The following DERA variants were observed in gnomAD, a reference collection of about 807,000 sequenced individuals.
DERA encodes 2-deoxy-D-ribose 5-phosphate aldolase.
DERA carries 15 observed loss-of-function variants against 41.1 expected under a neutral mutation model. The ratio of observed to expected loss-of-function variants is 0.37; its 90% confidence interval spans 0.24 to 0.56. DERA has a LOEUF of 0.56. DERA is among the 20% of genes least tolerant of loss of function. The probability of loss-of-function intolerance (pLI) is 0.81; values close to 1 mark genes in which losing one functional copy is unlikely to be tolerated. For missense variants in DERA, 396 were observed against 403.4 expected, an observed-to-expected ratio of 0.98 and a Z score of 0.16; for synonymous variants, 139 against 137.4, an observed-to-expected ratio of 1.01 and a Z score of -0.08.
chr12:16,018,447 A>T (rs1948998506), intron 6 of DERA, among the ~76,000 whole-genome samples: 1 of 152,174 alleles, frequency 6.6e-6, no homozygotes, highest in Admixed American at 6.5e-5. Flanking sequence ...AATGAACTGG[A>T]AAATGTTCAT....
In DERA at chr12:15,966,075, C is replaced by T. The variant is rs1948620584; in HGVS notation, c.508+3128C>T. Among the ~76,000 whole-genome samples the T allele has an allele frequency of 6.6e-6, 1 of 152,152 alleles. No homozygotes were observed. The highest frequency in any genetic ancestry group is 6.5e-5 in the Admixed American group (1 of 15,286). ...GCAACGTCCTCCTTTCTTCTCTTCC[C>T]TTCATGACTAAAATTCTGAAAAGAA... On this transcript the variant is annotated intron_variant, in intron 5 of 8. Transcript: ENST00000428559. The surrounding 1 kb of genome is among the most constrained non-coding windows in gnomAD (Gnocchi z 5.1).
rs1260307915 is a variant in DERA, at chr12:15,931,709, G to A, written c.31+20295G>A. 1.1e-4 allele frequency among the ~76,000 whole-genome samples: 16 copies of A among 152,188 alleles called. No homozygotes were observed. Among genetic ancestry groups the A allele is most frequent in the Admixed American group, 2.0e-4 (3 of 15,276 alleles). Reference sequence around the variant, plus strand: ...AGTGTTGGGAGATGGGGCCTAGTGAGAGGTCTTTGGGTCATGTAGGTGGAT... The same window carrying A: ...AGTGTTGGGAGATGGGGCCTAGTGAAAGGTCTTTGGGTCATGTAGGTGGAT... On this transcript the variant is annotated intron_variant, in intron 1 of 8. Coordinates refer to ENST00000428559, the MANE Select transcript of DERA (RefSeq NM_015954.4). The surrounding 1 kb of genome is among the most constrained non-coding windows in gnomAD (Gnocchi z 4.6).
rs1948952638 is a variant in DERA at position 16,012,446 on chromosome 12, C to T, written c.638-20096C>T. ...TCATTGGGATTAGACATAAGGCATT[C>T]CAGGGCTGTGCTCCCCTGTCCCTTA... is the stretch of plus-strand genomic sequence containing the variant. On this transcript the variant is annotated intron_variant, in intron 6 of 8. Transcript: ENST00000428559. This position sits in a 1 kb window ranked among gnomAD's most constrained non-coding sequence, Gnocchi z 4.1. Among the ~76,000 whole-genome samples, 1 of 152,166 alleles carries T rather than the reference C, an allele frequency of 6.6e-6. No homozygotes were observed. Among genetic ancestry groups the T allele is most frequent in the Non-Finnish European group, 1.5e-5 (1 of 68,026 alleles).
chr12:16,030,021 C>T lies in DERA; in HGVS notation c.638-2521C>T, dbSNP rs184502155. On this transcript the variant is annotated intron_variant, in intron 6 of 8. Coordinates refer to ENST00000428559, the MANE Select transcript of DERA (RefSeq NM_015954.4). ...CACTGCAACCTCCACCTCCCAGGTT[C>T]AAGCAGTTCTCTTGCCTCAGCCTCC... 3.6e-5 allele frequency among the ~76,000 whole-genome samples: 5 copies of T among 139,900 alleles called. No individual in the cohort carries two copies. The East Asian group carries it at 1.2e-3, about 32-fold the overall frequency. The allele number at this position is 139,900 out of a possible 152,430, so 91.8% of individuals were successfully genotyped here. A position where few individuals can be genotyped will look rare whatever the true frequency, so the allele number is the denominator to read the frequency against.
At chr12:15,949,222 A>T (rs1258386202) in intron 1 of DERA, among the ~76,000 whole-genome samples, 1 of 152,062 alleles carries the variant, frequency 6.6e-6, no homozygotes, top group African/African-American at 2.4e-5. Context: ...ACTCTCTTCA[A>T]AGCTGTCAGA....
Position 16,014,226 on chromosome 12 carries a change from C to G in DERA, c.638-18316C>G, listed in dbSNP as rs941892880. 2.0e-5 allele frequency among the ~76,000 whole-genome samples: 3 copies of G among 152,122 alleles called. No homozygotes were observed. Among genetic ancestry groups the G allele is most frequent in the Admixed American group, 6.5e-5 (1 of 15,278 alleles). On this transcript the variant is annotated intron_variant, in intron 6 of 8. Transcript: ENST00000428559. This position sits in a 1 kb window ranked among gnomAD's most constrained non-coding sequence, Gnocchi z 5.4. ...AGAAATTTGCATAAGTAACGAGGAG[C>G]CAAATGTTAATCACCAAGACAGTGG...
At chr12:16,023,724 G>A (rs1213412145) in intron 6 of DERA, among the ~76,000 whole-genome samples, 10 of 152,060 alleles carry the variant, frequency 6.6e-5, no homozygotes, top group South Asian at 2.1e-4. Context: ...TGATCCGCCC[G>A]CCTCGGCCTC....
At chr12:15,920,537 T>A (rs1178910981) in intron 1 of DERA, among the ~76,000 whole-genome samples, 1 of 152,176 alleles carries the variant, frequency 6.6e-6, no homozygotes, top group Non-Finnish European at 1.5e-5. Context: ...ATAGCTTTAA[T>A]TATTTGTATT....
chr12:15,956,783 T>G, intron 1 of DERA, 153 bp from the exon 2 acceptor site: 1 of 730,014 alleles, frequency 1.4e-6, no homozygotes, highest in Non-Finnish European at 2.5e-6. Flanking sequence ...ATCAATAAGG[T>G]TGTTTATTTA....
At chr12:15,971,018 C>T (rs931328049) in intron 5 of DERA, among the ~76,000 whole-genome samples, 4 of 152,160 alleles carry the variant, frequency 2.6e-5, no homozygotes, top group Non-Finnish European at 5.9e-5. Context: ...GTGTCCACAC[C>T]ATGGGACATG....
chr12:15,923,004 G>T (rs1371471803), intron 1 of DERA, among the ~76,000 whole-genome samples: 1 of 146,250 alleles, frequency 6.8e-6, no homozygotes, highest in African/African-American at 2.5e-5. Flanking sequence ...AAAAATAGTG[G>T]TTTTTGTTTT....
At chr12:15,968,104 A>G (rs1017445650) in intron 5 of DERA, among the ~76,000 whole-genome samples, 1 of 148,942 alleles carries the variant, frequency 6.7e-6, no homozygotes, top group Non-Finnish European at 1.5e-5. Flanking sequence ...TTTTTTTGAC[A>G]TAATTCCAGT....
intron 1 of DERA, among the ~76,000 whole-genome samples, chr12:15,914,901 G>A (rs1006035958): frequency 2.0e-5 from 3 of 152,046 alleles, no homozygotes; most frequent in Non-Finnish European, 4.4e-5. Flanking sequence ...TCAGCCTCCC[G>A]AGTAGCTGAG....
chr12:16,017,678 G>A lies in DERA; in HGVS notation c.638-14864G>A, dbSNP rs1293303293. Among the ~76,000 whole-genome samples the A allele has an allele frequency of 6.6e-6, 1 of 152,128 alleles. No homozygotes were observed. The highest frequency in any genetic ancestry group is 2.4e-5 in the African/African-American group (1 of 41,432). On this transcript the variant is annotated intron_variant, in intron 6 of 8. Transcript: ENST00000428559. The surrounding 1 kb of genome is among the most constrained non-coding windows in gnomAD (Gnocchi z 5.5). ...ACAATATTGAAGACTTTTAATTTGA[G>A]GGCTTATATCTTTGCATACCCTGCT...
intron 6 of DERA, among the ~76,000 whole-genome samples, chr12:16,005,308 C>T (rs1432623157): frequency 2.6e-5 from 4 of 151,970 alleles, no homozygotes; most frequent in East Asian, 1.9e-4. Flanking sequence ...TAGCAGGGCA[C>T]GGTAAGGCGC....
At chr12:15,969,945 G>A (rs1948649125) in intron 5 of DERA, among the ~76,000 whole-genome samples, 1 of 152,186 alleles carries the variant, frequency 6.6e-6, no homozygotes, top group Non-Finnish European at 1.5e-5. Context: ...TACGACAACT[G>A]TATGCTTTTA....
Position 15,972,426 on chromosome 12 carries a change from G to T in DERA, c.508+9479G>T, listed in dbSNP as rs759785507. On this transcript the variant is annotated intron_variant, in intron 5 of 8. Coordinates refer to ENST00000428559, the MANE Select transcript of DERA (RefSeq NM_015954.4). This position sits in a 1 kb window ranked among gnomAD's most constrained non-coding sequence, Gnocchi z 4.4. ...AGAGACACTGCACACATCCCAGCCAGCTGGCTGTCCCGCAGGGCCCCCTTG... is the reference window on the plus strand; with the variant it reads ...AGAGACACTGCACACATCCCAGCCATCTGGCTGTCCCGCAGGGCCCCCTTG... The T allele has an allele frequency of 1.7e-4, 26 of 152,778 alleles. No individual in the cohort carries two copies. Among genetic ancestry groups the T allele is most frequent in the South Asian group, 1.0e-3 (5 of 4,990 alleles). 9.5% of individuals were successfully genotyped at this position (152,778 alleles called of 1,614,324 possible).
At position 15,995,812 on chromosome 12, in the gene DERA, G is replaced by A. The variant is rs1345271052; in HGVS notation, c.637+13376G>A. 6.6e-6 allele frequency among the ~76,000 whole-genome samples: 1 copy of A among 152,188 alleles called. No homozygotes were observed. Among genetic ancestry groups the A allele is most frequent in the Non-Finnish European group, 1.5e-5 (1 of 68,034 alleles). The stretch of plus-strand genomic sequence containing the variant: ...AATTAGGAGGAGGAAAATCCTTGGG[G>A]TTGTAATATTATGTTCAAATACTTG... On this transcript the variant is annotated intron_variant, in intron 6 of 8. Transcript: ENST00000428559. This position sits in a 1 kb window ranked among gnomAD's most constrained non-coding sequence, Gnocchi z 5.1.
intron 6 of DERA, among the ~76,000 whole-genome samples, chr12:15,991,083 A>G (rs1012729115): frequency 6.6e-6 from 1 of 152,154 alleles, no homozygotes; most frequent in Non-Finnish European, 1.5e-5. Flanking sequence ...AACAGTGTAA[A>G]ATAGGTCCTT....
Sources: allele counts gnomAD v4.1 joint callset (sites outside exome capture counted in the v4.1 genomes callset), GRCh38; gene constraint gnomAD v4.1.1; non-coding constraint Gnocchi (gnomAD v3.1); transcripts MANE v1.5; gene names NCBI Gene and HGNC (gene_info 2026-07-23, HGNC 2026-07-21).